SEMA3A: variants seen among roughly 807,000 people sequenced by gnomAD.
SEMA3A encodes semaphorin-3A.
Under a neutral mutation model 97.9 loss-of-function variants are expected in SEMA3A, and 29 were observed. That is an observed-to-expected ratio of 0.30 (90% CI 0.22 to 0.40). The LOEUF (loss-of-function observed/expected upper bound fraction) is 0.40, where lower values mean the gene tolerates loss of function less well. Ranked by LOEUF, SEMA3A falls within the 10% of genes least tolerant of loss-of-function variation. The probability of loss-of-function intolerance (pLI) is 1.00; values close to 1 mark genes in which losing one functional copy is unlikely to be tolerated. For missense variants in SEMA3A, 763 were observed against 951.3 expected (o/e 0.80, Z 2.60); for synonymous variants, 321 against 323.7 (o/e 0.99, Z 0.09).
At chr7:83,973,097 T>C (rs767864468) in intron 15 of SEMA3A, among the ~76,000 whole-genome samples, 4 of 152,168 alleles carry the variant, frequency 2.6e-5, no homozygotes, top group East Asian at 1.9e-4. Context: ...CTGACAGATA[T>C]GTGGGATCCT....
intron 11 of SEMA3A, among the ~76,000 whole-genome samples, chr7:84,004,934 C>T (rs1790604568): frequency 6.6e-6 from 1 of 152,086 alleles, no homozygotes; most frequent in South Asian, 2.1e-4. Context: ...CTCCTACCAC[C>T]CTTGGGAGAG....
At chr7:84,431,320 T>C (rs1388203389) in intron 1 of SEMA3A, among the ~76,000 whole-genome samples, 2 of 152,058 alleles carry the variant, frequency 1.3e-5, no homozygotes, top group Non-Finnish European at 2.9e-5. Context: ...TTCGTTTCCA[T>C]GACTGTGATT....
intron 3 of SEMA3A, among the ~76,000 whole-genome samples, chr7:84,119,963 A>AAG (rs1795554411): frequency 6.6e-6 from 1 of 152,148 alleles, no homozygotes; most frequent in African/African-American, 2.4e-5. Context: ...AACCAATGCC[A>AAG]AATATTTTAT....
intron 3 of SEMA3A, among the ~76,000 whole-genome samples, chr7:84,214,644 C>T (rs1798702550): frequency 6.6e-6 from 1 of 151,952 alleles, no homozygotes; most frequent in African/African-American, 2.4e-5. Flanking sequence ...TGCTGTTCCC[C>T]CTGACATGCT....
intron 1 of SEMA3A, among the ~76,000 whole-genome samples, chr7:84,460,254 C>T (rs1489130808): frequency 6.6e-6 from 1 of 152,082 alleles, no homozygotes; most frequent in East Asian, 1.9e-4. Flanking sequence ...AAGGCAAATA[C>T]ATCAATGGGA....
intron 3 of SEMA3A, among the ~76,000 whole-genome samples, chr7:84,277,746 C>T (rs10262015): frequency 6.6e-6 from 1 of 152,084 alleles, no homozygotes; most frequent in Non-Finnish European, 1.5e-5. Context: ...CAATCGGGTC[C>T]TAGGCCTGGC....
intron 1 of SEMA3A, among the ~76,000 whole-genome samples, chr7:84,379,834 T>C (rs1476794696): frequency 6.6e-6 from 1 of 152,230 alleles, no homozygotes; most frequent in Non-Finnish European, 1.5e-5. Flanking sequence ...ACAGTATTTT[T>C]CAATTAGGGA....
intron 10 of SEMA3A, among the ~76,000 whole-genome samples, chr7:84,006,082 A>C (rs998733432): frequency 1.3e-5 from 2 of 152,184 alleles, no homozygotes; most frequent in Non-Finnish European, 1.5e-5. Context: ...AATTCAGTGT[A>C]CTGGAGAAGT....
chr7:84,293,378 T>C (rs986399926), intron 3 of SEMA3A, among the ~76,000 whole-genome samples: 3 of 152,048 alleles, frequency 2.0e-5, no homozygotes, highest in Admixed American at 1.3e-4. Context: ...ATGTCAGAGT[T>C]TCTTTCTGAA....
intron 2 of SEMA3A, among the ~76,000 whole-genome samples, chr7:84,364,215 T>A (rs1802789657): frequency 6.6e-6 from 1 of 151,762 alleles, no homozygotes; most frequent in Non-Finnish European, 1.5e-5. Context: ...CCTCAGTGAT[T>A]TTTTAAGAAT....
At chr7:84,248,424 G>C (rs1190996955) in intron 3 of SEMA3A, among the ~76,000 whole-genome samples, 1 of 152,148 alleles carries the variant, frequency 6.6e-6, no homozygotes, top group Non-Finnish European at 1.5e-5. Context: ...CACAGCAAAA[G>C]GGAACTGGGA....
intron 1 of SEMA3A, among the ~76,000 whole-genome samples, chr7:84,484,820 C>T (rs771868136): frequency 9.9e-5 from 15 of 152,138 alleles, no homozygotes; most frequent in Admixed American, 3.9e-4. Flanking sequence ...TATGAATGCT[C>T]ATCCTTAAGG....
At chr7:84,350,340 G>A (rs1192940049) in intron 2 of SEMA3A, among the ~76,000 whole-genome samples, 1 of 151,916 alleles carries the variant, frequency 6.6e-6, no homozygotes, top group Non-Finnish European at 1.5e-5. Flanking sequence ...GCTAGGGAAT[G>A]GGATAGTCGT....
At chr7:84,445,864 C>A in intron 1 of SEMA3A, among the ~76,000 whole-genome samples, 1 of 149,350 alleles carries the variant, frequency 6.7e-6, no homozygotes, top group African/African-American at 2.5e-5. Flanking sequence ...AAGAGGAAAA[C>A]AAAATAGAAA....
chr7:83,980,623 A>AAAAAAAAAAAAATATATAT (rs1310318006), intron 14 of SEMA3A, among the ~76,000 whole-genome samples: 39 of 71,728 alleles, frequency 5.4e-4, no homozygotes, highest in Non-Finnish European at 5.3e-4. Context: ...AAAAAAAAAA[A>AAAAAAAAAAAAATATATAT]ATATATATAT....
intron 1 of SEMA3A, among the ~76,000 whole-genome samples, chr7:84,173,270 T>C (rs1331360575): frequency 6.6e-6 from 1 of 151,840 alleles, no homozygotes; most frequent in African/African-American, 2.4e-5. Context: ...TCTTTAAAAG[T>C]TTTGGCCAGG....
chr7:84,145,292 C>A (rs748937743), intron 1 of SEMA3A, among the ~76,000 whole-genome samples: 1 of 152,092 alleles, frequency 6.6e-6, no homozygotes, highest in Non-Finnish European at 1.5e-5. Context: ...AGCTCCACTT[C>A]TAGAGTTAAA....
At chr7:84,243,767 T>C (rs189674533) in intron 3 of SEMA3A, among the ~76,000 whole-genome samples, 1 of 152,284 alleles carries the variant, frequency 6.6e-6, no homozygotes, top group East Asian at 1.9e-4. Context: ...AACACTGCTT[T>C]AGCTGTGTCC....
intron 3 of SEMA3A, among the ~76,000 whole-genome samples, chr7:84,262,098 C>CTT (rs34361946): frequency 6.7e-6 from 1 of 149,898 alleles, no homozygotes; most frequent in East Asian, 2.0e-4. Context: ...TTTAATGACA[C>CTT]TTTTTTTTTT....
Sources: allele counts gnomAD v4.1 joint callset (sites outside exome capture counted in the v4.1 genomes callset), GRCh38; gene constraint gnomAD v4.1.1; transcripts MANE v1.5; gene names NCBI Gene and HGNC (gene_info 2026-07-23, HGNC 2026-07-21).